The following SHROOM3 variants were observed in gnomAD, a reference collection of about 807,000 sequenced individuals.
SHROOM3 encodes protein Shroom3.
SHROOM3 carries 47 observed loss-of-function variants against 138.6 expected under a neutral mutation model. That is an observed-to-expected ratio of 0.34 (90% confidence interval 0.27 to 0.43). The LOEUF (loss-of-function observed/expected upper bound fraction) is 0.43. Among genes scored for constraint, SHROOM3 ranks in the 20% least tolerant of loss-of-function variants. SHROOM3 has a pLI of 1.00. For missense variants in SHROOM3, 2,491 were observed against 2,596.5 expected, an observed-to-expected ratio of 0.96 and a Z score of 0.88; for synonymous variants, 1,062 against 1,063.3, an observed-to-expected ratio of 1.00 and a Z score of 0.02.
intron 1 of SHROOM3, among the ~76,000 whole-genome samples, chr4:76,514,227 G>A (rs542126824): frequency 4.6e-5 from 7 of 152,302 alleles, no homozygotes; most frequent in Admixed American, 4.6e-4. Flanking sequence ...CATTATTCAT[G>A]ATAGCCAAAA....
Position 76,759,676 on chromosome 4 carries a change from C to T in SHROOM3, c.5330C>T (p.Ala1777Val). Residue 1777 changes from alanine to valine, a missense_variant, in exon 9 of 11, where the codon GCA (alanine) becomes GTA (valine). By Grantham distance (64) the Ala-to-Val change is moderately conservative. Coordinates refer to ENST00000296043, the MANE Select transcript of SHROOM3 (RefSeq NM_020859.4). ...PAEVNEEEEQADVNEKKAELI... is the reference protein window; with the variant it reads ...PAEVNEEEEQVDVNEKKAELI... ...GAAGTGAATGAGGAAGAGGAACAGG[C>T]AGATGTCAATGAAAAGAAGGTAAAT... is the stretch of plus-strand genomic sequence containing the variant. The T allele has an allele frequency of 6.2e-7, 1 of 1,614,036 alleles. No individual in the cohort carries two copies. The highest frequency in any genetic ancestry group is 8.5e-7 in the Non-Finnish European group (1 of 1,179,978).
chr4:76,673,602 T>A (rs965063842), intron 2 of SHROOM3, among the ~76,000 whole-genome samples: 7 of 152,232 alleles, frequency 4.6e-5, no homozygotes, highest in Non-Finnish European at 8.8e-5. Context: ...AATAGTGTAT[T>A]TTCCTCTTCA....
At chr4:76,537,785 G>T (rs1200060805) in intron 1 of SHROOM3, among the ~76,000 whole-genome samples, 1 of 152,136 alleles carries the variant, frequency 6.6e-6, no homozygotes, top group African/African-American at 2.4e-5. Flanking sequence ...CTATTCTGCC[G>T]CCTTGCTCCA....
intron 9 of SHROOM3, among the ~76,000 whole-genome samples, chr4:76,766,489 A>G (rs2109787948): frequency 6.6e-6 from 1 of 152,354 alleles, no homozygotes; most frequent in Non-Finnish European, 1.5e-5. Flanking sequence ...TCGTATAAAT[A>G]GCATCTCACA....
intron 2 of SHROOM3, among the ~76,000 whole-genome samples, chr4:76,671,293 T>C (rs1217015541): frequency 2.0e-5 from 3 of 152,262 alleles, no homozygotes; most frequent in Non-Finnish European, 4.4e-5. Flanking sequence ...CAGTGTCCAC[T>C]ACAACCATAG....
chr4:76,441,088 T>TG (rs1730662671), intron 1 of SHROOM3, among the ~76,000 whole-genome samples: 1 of 122,024 alleles, frequency 8.2e-6, no homozygotes, highest in South Asian at 2.8e-4. Flanking sequence ...TTCAATTTGT[T>TG]TTTTTTTTTT....
chr4:76,512,341 G>GTC (rs1193948298), intron 1 of SHROOM3, among the ~76,000 whole-genome samples: 2 of 152,180 alleles, frequency 1.3e-5, no homozygotes, highest in African/African-American at 4.8e-5. Flanking sequence ...GGAGAGGAAG[G>GTC]AGGGCAGGTT....
chr4:76,782,538 T>C lies in SHROOM3; in HGVS notation c.*3361T>C, dbSNP rs1043657821. 5 of 152,238 alleles carry C rather than the reference T, an allele frequency of 3.3e-5. No homozygotes were observed. The highest frequency in any genetic ancestry group is 4.1e-4 in the South Asian group (2 of 4,826). 9.4% of individuals were successfully genotyped at this position (152,238 alleles called of 1,614,324 possible). ...TGTATGTTATTCAGGCATCTCTTAT[T>C]AAGATACTGGGTCTCTGGATACCCA... is the stretch of plus-strand genomic sequence containing the variant. On this transcript the variant is annotated 3_prime_UTR_variant, in exon 11 of 11. Transcript: ENST00000296043.
At chr4:76,503,881 T>C (rs571223751) in intron 1 of SHROOM3, among the ~76,000 whole-genome samples, 1 of 152,336 alleles carries the variant, frequency 6.6e-6, no homozygotes, top group South Asian at 2.1e-4. Flanking sequence ...AAACCATGAA[T>C]GTGTGCTGAC....
intron 2 of SHROOM3, among the ~76,000 whole-genome samples, chr4:76,603,506 A>C (rs564335566): frequency 6.6e-6 from 1 of 152,186 alleles, no homozygotes; most frequent in South Asian, 2.1e-4. Flanking sequence ...TTGATTTATG[A>C]TCAAAGCCTC....
At chr4:76,610,594 C>T (rs1314363725) in intron 2 of SHROOM3, among the ~76,000 whole-genome samples, 4 of 152,194 alleles carry the variant, frequency 2.6e-5, no homozygotes, top group African/African-American at 9.7e-5. Flanking sequence ...TCTTGATACA[C>T]TCTTGTAGTG....
At position 76,740,151 on chromosome 4, in the gene SHROOM3, T is replaced by G; in HGVS notation, c.1978T>G (p.Ser660Ala). Residue 660 changes from serine to alanine, a missense_variant, in exon 5 of 11, where the codon TCA becomes GCA. Ser to Ala is a moderately conservative substitution (Grantham distance 99, BLOSUM62 1). This residue lies in a region of SHROOM3 where 1,733 missense variants were observed against 1,661.6 expected (regional missense o/e 1.04). Transcript: ENST00000296043. The surrounding 1 kb of genome is among the most constrained non-coding windows in gnomAD (Gnocchi z 4.0). Reference protein sequence around the residue: ...SLSGNFGKTKSAFSSLQNIPE... With the variant: ...SLSGNFGKTKAAFSSLQNIPE... Reference sequence around the variant, plus strand: ...GTCAGGCAACTTTGGCAAGACCAAGTCAGCCTTCTCATCTCTCCAGAACAT... The same window carrying G: ...GTCAGGCAACTTTGGCAAGACCAAGGCAGCCTTCTCATCTCTCCAGAACAT... 1 of 1,613,860 alleles carries G rather than the reference T, an allele frequency of 6.2e-7. No individual in the cohort carries two copies. The highest frequency in any genetic ancestry group is 8.5e-7 in the Non-Finnish European group (1 of 1,179,994).
intron 7 of SHROOM3, 66 bp from the exon 8 acceptor site, chr4:76,756,383 C>G (rs1721810502): frequency 6.5e-7 from 1 of 1,533,258 alleles, no homozygotes; most frequent in Non-Finnish European, 8.8e-7. Context: ...CTTATCATCA[C>G]CCTTCTCTTA....
intron 2 of SHROOM3, among the ~76,000 whole-genome samples, chr4:76,608,551 A>ATAGCATAGCG (rs1734673385): frequency 5.3e-5 from 4 of 75,874 alleles, no homozygotes; most frequent in Admixed American, 1.4e-4. Context: ...ATAGCATAGC[A>ATAGCATAGCG]TAGCATAGCA....
intron 1 of SHROOM3, among the ~76,000 whole-genome samples, chr4:76,463,469 C>T (rs536145256): frequency 8.5e-5 from 13 of 152,276 alleles, no homozygotes; most frequent in African/African-American, 3.1e-4. Context: ...AAATTTGCAA[C>T]CTGATCATGT....
At chr4:76,756,344 A>AAGC in intron 7 of SHROOM3, 105 bp from the exon 8 acceptor site, 9 of 1,344,778 alleles carry the variant, frequency 6.7e-6, no homozygotes, top group Non-Finnish European at 9.2e-6. Flanking sequence ...CTGATGTGGA[A>AAGC]AGCTTCTCCC....
chr4:76,597,383 G>A (rs1169702613), intron 2 of SHROOM3, among the ~76,000 whole-genome samples: 2 of 152,186 alleles, frequency 1.3e-5, no homozygotes, highest in African/African-American at 4.8e-5. Context: ...TTGGACTCAT[G>A]AGAAAAATCC....
At chr4:76,766,934 G>A (rs1446918506) in intron 9 of SHROOM3, among the ~76,000 whole-genome samples, 4 of 152,090 alleles carry the variant, frequency 2.6e-5, no homozygotes, top group Non-Finnish European at 5.9e-5. Flanking sequence ...CCAAAATCAG[G>A]TTCTTTCCAC....
chr4:76,557,210 T>A (rs1733502052), intron 2 of SHROOM3, among the ~76,000 whole-genome samples: 2 of 140,600 alleles, frequency 1.4e-5, no homozygotes, highest in African/African-American at 5.4e-5. Context: ...GGTGTATATA[T>A]GTATATGTTT....
Sources: allele counts gnomAD v4.1 joint callset (sites outside exome capture counted in the v4.1 genomes callset), GRCh38; gene constraint gnomAD v4.1.1; regional missense constraint gnomAD v4.1.1; non-coding constraint Gnocchi (gnomAD v3.1); transcripts MANE v1.5; gene names NCBI Gene and HGNC (gene_info 2026-07-23, HGNC 2026-07-21).